The following CFAP300 variants were observed in gnomAD, a reference collection of about 807,000 sequenced individuals.
CFAP300 encodes cilia and flagella associated protein 300.
A neutral mutation model predicts 33.0 loss-of-function variants in CFAP300; 32 were observed. The ratio of observed to expected loss-of-function variants is 0.97; its 90% confidence interval spans 0.73 to 1.30. The LOEUF (loss-of-function observed/expected upper bound fraction) is 1.30, where lower values mean the gene tolerates loss of function less well. Among genes scored for constraint, CFAP300 ranks in the 50% most tolerant of loss-of-function variants. The pLI, the probability that CFAP300 is intolerant of heterozygous loss-of-function variation, is 0.00. For missense variants in CFAP300, 356 were observed against 318.1 expected, an observed-to-expected ratio of 1.12 and a Z score of -0.90; for synonymous variants, 102 against 106.8, an observed-to-expected ratio of 0.95 and a Z score of 0.28.
At chr11:102,079,544 C>G (rs1942445101) in intron 5 of CFAP300, among the ~76,000 whole-genome samples, 1 of 152,068 alleles carries the variant, frequency 6.6e-6, no homozygotes, top group African/African-American at 2.4e-5. Flanking sequence ...CTGGTCATCC[C>G]CAAAAGGTAC....
chr11:102,050,952 G>T (rs956212454), intron 2 of CFAP300, among the ~76,000 whole-genome samples: 1 of 152,198 alleles, frequency 6.6e-6, no homozygotes, highest in East Asian at 1.9e-4. Flanking sequence ...GAGTCAGGAA[G>T]TAATGACACC....
chr11:102,053,147 T>C (rs1941996356), intron 2 of CFAP300, among the ~76,000 whole-genome samples: 1 of 152,076 alleles, frequency 6.6e-6, no homozygotes, highest in Non-Finnish European at 1.5e-5. Flanking sequence ...GAGAATCACT[T>C]GAACCTGGGA....
At chr11:102,061,501 A>G (rs968092158) in intron 3 of CFAP300, among the ~76,000 whole-genome samples, 1 of 152,190 alleles carries the variant, frequency 6.6e-6, no homozygotes, top group African/African-American at 2.4e-5. Flanking sequence ...CAGCCGCCAT[A>G]GCTCCTATGT....
rs1216855183 is a variant in CFAP300, at chr11:102,084,472, TG to T, written c.*1274del. 6.6e-6 allele frequency: 1 copy of T among 152,234 alleles called. No individual in the cohort carries two copies. Among genetic ancestry groups the T allele is most frequent in the African/African-American group, 2.4e-5 (1 of 41,462 alleles). The allele number at this position is 152,234 out of a possible 1,614,324, so 9.4% of individuals were successfully genotyped here. On this transcript the variant is annotated 3_prime_UTR_variant, in exon 7 of 7. Coordinates refer to ENST00000434758, the MANE Select transcript of CFAP300 (RefSeq NM_032930.3). ...TAACACAATGACTTGGCATATTAAA[TG>T]TTTATTGAATGAATAACTACTTTCT...
At chr11:102,063,888 C>A (rs1942186870) in intron 3 of CFAP300, among the ~76,000 whole-genome samples, 1 of 152,102 alleles carries the variant, frequency 6.6e-6, no homozygotes, top group African/African-American at 2.4e-5. Context: ...GTGAGAAGAA[C>A]ATGAATTTGG....
At chr11:102,078,992 G>A (rs994816097) in intron 5 of CFAP300, among the ~76,000 whole-genome samples, 35 of 152,200 alleles carry the variant, frequency 2.3e-4, no homozygotes, top group African/African-American at 8.2e-4. Flanking sequence ...TTACAGGTGT[G>A]AGCCACCGTG....
intron 3 of CFAP300, among the ~76,000 whole-genome samples, chr11:102,064,980 G>A (rs536795046): frequency 6.6e-5 from 10 of 152,046 alleles, no homozygotes; most frequent in Admixed American, 2.0e-4. Context: ...ACAAAATGCC[G>A]TTATTTCAGT....
intron 1 of CFAP300, 50 bp downstream of exon 1, chr11:102,047,630 G>A (rs1324538532): frequency 7.3e-5 from 110 of 1,515,840 alleles, no homozygotes; most frequent in Non-Finnish European, 9.4e-5. Context: ...CTTCGCGGCT[G>A]TGGAGGCGCA....
intron 2 of CFAP300, among the ~76,000 whole-genome samples, chr11:102,053,001 G>T (rs1486475172): frequency 6.6e-6 from 1 of 151,490 alleles, no homozygotes; most frequent in East Asian, 1.9e-4. Context: ...CCTGAGGCGG[G>T]TGGATCACCT....
intron 4 of CFAP300, among the ~76,000 whole-genome samples, chr11:102,068,769 A>T (rs2135036991): frequency 6.6e-6 from 1 of 152,354 alleles, no homozygotes; most frequent in African/African-American, 2.4e-5. Context: ...CCTAGGTGAA[A>T]GAGCAAGATT....
chr11:102,054,597 C>T (rs1403501827), intron 2 of CFAP300, among the ~76,000 whole-genome samples: 1 of 151,564 alleles, frequency 6.6e-6, no homozygotes, highest in Admixed American at 6.6e-5. Flanking sequence ...GGTGTGTTGG[C>T]GCACTTCTGT....
At position 102,076,028 on chromosome 11, in the gene CFAP300, C is replaced by A; in HGVS notation, c.591C>A (p.Ile197=). The A allele has an allele frequency of 6.2e-7, 1 of 1,611,082 alleles. No homozygotes were observed. Among genetic ancestry groups the A allele is most frequent in the Non-Finnish European group, 8.5e-7 (1 of 1,179,136 alleles). Residue 197 remains isoleucine (I), a synonymous_variant, in exon 5 of 7, where the codon ATC becomes ATA. Transcript: ENST00000434758. ...ISPYLETTKL[I]YKDLVSVRKN... is the part of the protein sequence containing the mutation. The stretch of plus-strand genomic sequence containing the variant: ...CATATCTGGAAACAACAAAGCTTAT[C>A]TATAAGGATCTGGTGAGGTAATGTT...
intron 2 of CFAP300, among the ~76,000 whole-genome samples, chr11:102,052,080 A>T (rs1192131220): frequency 6.6e-6 from 1 of 152,230 alleles, no homozygotes; most frequent in Non-Finnish European, 1.5e-5. Context: ...AAATTCACTT[A>T]TTAGACATAT....
chr11:102,058,830 A>G (rs765582103), intron 2 of CFAP300, 50 bp from the exon 3 acceptor site: 3 of 1,060,792 alleles, frequency 2.8e-6, no homozygotes, highest in African/African-American at 1.6e-5. Context: ...AATTTTTACT[A>G]TCATTTATAA....
intron 4 of CFAP300, among the ~76,000 whole-genome samples, chr11:102,073,806 C>T (rs1942353700): frequency 6.6e-6 from 1 of 152,098 alleles, no homozygotes; most frequent in Admixed American, 6.5e-5. Context: ...AGTGGCCCTG[C>T]TACCAAGGGA....
At chr11:102,082,566 T>G (rs1339455710) in intron 6 of CFAP300, among the ~76,000 whole-genome samples, 1 of 152,194 alleles carries the variant, frequency 6.6e-6, no homozygotes, top group African/African-American at 2.4e-5. Flanking sequence ...CATAGTAGAC[T>G]GTGCTGTCCA....
rs1372589127 is a variant in CFAP300 at position 102,066,732 on chromosome 11, GCATAAAATACCTTGT to G, written c.435+93_435+107del. ...ATGGCAAAAACTTTGCCTGCTTAAA[GCATAAAATACCTTGT>G]CATAAAATACCACCTATTTATAAGT... is the stretch of plus-strand genomic sequence containing the variant. On this transcript the variant is annotated intron_variant, in intron 4 of 6. Coordinates refer to ENST00000434758, the MANE Select transcript of CFAP300 (RefSeq NM_032930.3). 4.2e-6 allele frequency: 5 copies of G among 1,195,632 alleles called. No individual in the cohort carries two copies. In the African/African-American group the frequency reaches 7.8e-5, roughly 19 times the overall value. The allele number at this position is 1,195,632 out of a possible 1,614,324, so 74.1% of individuals were successfully genotyped here.
intron 3 of CFAP300, among the ~76,000 whole-genome samples, chr11:102,065,031 G>A (rs1241749755): frequency 1.3e-5 from 2 of 152,148 alleles, no homozygotes; most frequent in East Asian, 1.9e-4. Context: ...ATTAGGGCCT[G>A]ATTTGAAATT....
Position 102,051,627 on chromosome 11 carries a change from A to G in CFAP300, c.192+3731A>G, listed in dbSNP as rs143106764. Among the ~76,000 whole-genome samples the G allele has an allele frequency of 2.7e-3, 414 of 152,332 alleles. 6 individuals carry two copies. The highest frequency in any genetic ancestry group is 9.7e-3 in the African/African-American group (403 of 41,568). ...AATTTAGAAATATTGTCTGTCCAGT[A>G]TGCATGCTGGATGTAAAAATTAAAA... is the stretch of plus-strand genomic sequence containing the variant. On this transcript the variant is annotated intron_variant, in intron 2 of 6. Coordinates refer to ENST00000434758, the MANE Select transcript of CFAP300 (RefSeq NM_032930.3).
Sources: gnomAD v4.1 joint callset for allele counts (sites outside exome capture counted in the v4.1 genomes callset) on GRCh38, gnomAD v4.1.1 for gene constraint, MANE v1.5 for transcripts, NCBI Gene and HGNC (gene_info 2026-07-23, HGNC 2026-07-21) for gene names.